Variants in MTAP observed in about 807,000 individuals in gnomAD.
MTAP encodes the protein S-methyl-5'-thioadenosine phosphorylase.
A neutral mutation model predicts 33.6 loss-of-function variants in MTAP; 33 were observed. That is an observed-to-expected ratio of 0.98 (90% CI 0.74 to 1.31). MTAP has a LOEUF of 1.31. Among genes scored for constraint, MTAP ranks in the 40% most tolerant of loss-of-function variants. The pLI is 0.00. For missense variants in MTAP, 367 were observed against 360.0 expected (o/e 1.02, Z -0.16); for synonymous variants, 148 against 125.7 (o/e 1.18, Z -1.19).
chr9:21,876,091 G>A (rs1477195764), intron 1 of MTAP, among the ~76,000 whole-genome samples: 1 of 152,106 alleles, frequency 6.6e-6, no homozygotes, highest in Non-Finnish European at 1.5e-5. Context: ...GTGTCTCATT[G>A]TGGTTTTGAT....
chr9:21,805,672 AG>A (rs1445921724), intron 1 of MTAP, among the ~76,000 whole-genome samples: 1 of 152,222 alleles, frequency 6.6e-6, no homozygotes, highest in Non-Finnish European at 1.5e-5. Flanking sequence ...CTTACAAAAG[AG>A]GCCCCAGAGA....
chr9:21,918,157 C>T lies in MTAP; in HGVS notation c.148-12851C>T, dbSNP rs1371919049. On this transcript the variant is annotated intron_variant, in intron 1 of 1. Transcript: ENST00000577563. Reference sequence around the variant, plus strand: ...CGAGGTCAGGAGATCGAGACCATCCCGGCTAAAACGGTGAAACCCCGTCTC... The same window carrying T: ...CGAGGTCAGGAGATCGAGACCATCCTGGCTAAAACGGTGAAACCCCGTCTC... Among the ~76,000 whole-genome samples the T allele has an allele frequency of 2.7e-5, 4 of 145,882 alleles. No individual in the cohort carries two copies. In the East Asian group the frequency reaches 7.8e-4, roughly 29 times the overall value.
intron 1 of MTAP, chr9:21,808,849 G>T (rs563967574): frequency 1.3e-5 from 2 of 152,278 alleles, no homozygotes; most frequent in South Asian, 2.1e-4. Context: ...GAAAAATGTT[G>T]TGCTTGTAAG....
chr9:21,931,104 G>C (rs749973505), exon 2 of MTAP: 1 of 763,170 alleles, frequency 1.3e-6, no homozygotes, highest in African/African-American at 1.7e-5. Flanking sequence ...CCCATCAGTG[G>C]GACATGGCAG....
chr9:21,914,276 A>G (rs1057059851), intron 1 of MTAP, among the ~76,000 whole-genome samples: 1 of 152,252 alleles, frequency 6.6e-6, no homozygotes, highest in Non-Finnish European at 1.5e-5. Context: ...CCATCCAATT[A>G]CTGGGTATAT....
intron 4 of MTAP, among the ~76,000 whole-genome samples, chr9:21,837,622 C>T (rs190336987): frequency 2.0e-5 from 3 of 152,224 alleles, no homozygotes; most frequent in African/African-American, 7.2e-5. Context: ...TCTGAGCCCA[C>T]AGTTGAGTTG....
chr9:21,830,999 A>G (rs936390397), intron 4 of MTAP, among the ~76,000 whole-genome samples: 2 of 152,166 alleles, frequency 1.3e-5, no homozygotes, highest in Non-Finnish European at 2.9e-5. Context: ...TTTCCCTGCC[A>G]GCTGCTTTAT....
At chr9:21,812,189 G>T in intron 1 of MTAP, 1 of 199,576 alleles carries the variant, frequency 5.0e-6, no homozygotes. Context: ...CCATGTTTGC[G>T]GCCAGCTTCT....
At chr9:21,913,567 C>G (rs915049257) in intron 1 of MTAP, among the ~76,000 whole-genome samples, 1 of 152,182 alleles carries the variant, frequency 6.6e-6, no homozygotes. Flanking sequence ...GGAAAACTGG[C>G]TAGCCATATG....
chr9:21,822,400 T>G (rs1450740615), intron 4 of MTAP, among the ~76,000 whole-genome samples: 1 of 152,228 alleles, frequency 6.6e-6, no homozygotes, highest in East Asian at 1.9e-4. Context: ...CAGTAGTCAT[T>G]CAGGAGCAGG....
At chr9:21,851,771 C>T (rs148266400) in intron 5 of MTAP, among the ~76,000 whole-genome samples, 1 of 152,162 alleles carries the variant, frequency 6.6e-6, no homozygotes, top group African/African-American at 2.4e-5. Context: ...TGGGTACAAT[C>T]TAATCAGCTG....
chr9:21,895,366 A>C (rs2118769783), intron 1 of MTAP, among the ~76,000 whole-genome samples: 1 of 152,316 alleles, frequency 6.6e-6, no homozygotes, highest in Non-Finnish European at 1.5e-5. Context: ...AGGTTCCAAG[A>C]TGGCTGAATA....
At chr9:21,901,513 T>C (rs1463365997) in intron 1 of MTAP, among the ~76,000 whole-genome samples, 1 of 152,212 alleles carries the variant, frequency 6.6e-6, no homozygotes, top group African/African-American at 2.4e-5. Flanking sequence ...TTTAGATTCT[T>C]GGCTACTTGC....
intron 5 of MTAP, 102 bp from the exon 6 acceptor site, chr9:21,854,529 A>T: frequency 7.0e-7 from 1 of 1,424,474 alleles, no homozygotes; most frequent in Non-Finnish European, 9.3e-7. Context: ...TATAGTGACA[A>T]ATCATCTTTA....
intron 1 of MTAP, among the ~76,000 whole-genome samples, chr9:21,878,022 C>T (rs1304795282): frequency 6.6e-6 from 1 of 151,000 alleles, no homozygotes; most frequent in Admixed American, 6.6e-5. Context: ...TTTAATACTG[C>T]TTCAATTTCA....
At chr9:21,930,995 C>T in intron 1 of MTAP, 2 of 758,742 alleles carry the variant, frequency 2.6e-6, no homozygotes. Context: ...TGTCTCCTTT[C>T]TCTCACCTTT....
At chr9:21,876,469 C>A (rs1826010161) in intron 1 of MTAP, among the ~76,000 whole-genome samples, 2 of 151,872 alleles carry the variant, frequency 1.3e-5, no homozygotes, top group South Asian at 4.1e-4. Flanking sequence ...ATGGTATTGC[C>A]TAGGTTGTCT....
chr9:21,926,177 C>T (rs1445885854), intron 1 of MTAP, among the ~76,000 whole-genome samples: 1 of 152,142 alleles, frequency 6.6e-6, no homozygotes, highest in Non-Finnish European at 1.5e-5. Flanking sequence ...ATGATAATGC[C>T]TATAGTAACT....
At chr9:21,923,338 T>G (rs1348344052) in intron 1 of MTAP, among the ~76,000 whole-genome samples, 4 of 152,212 alleles carry the variant, frequency 2.6e-5, no homozygotes, top group Non-Finnish European at 4.4e-5. Flanking sequence ...GACATCACTC[T>G]GTGGTTCTTT....
Sources: allele counts gnomAD v4.1 joint callset (sites outside exome capture counted in the v4.1 genomes callset), GRCh38; gene constraint gnomAD v4.1.1; transcripts MANE v1.5; gene names NCBI Gene and HGNC (gene_info 2026-07-23, HGNC 2026-07-21).